The following OTUD7A variants were observed in gnomAD, a reference collection of about 807,000 sequenced individuals.
The protein encoded by OTUD7A is OTU deubiquitinase 7A, also known as OTU domain-containing protein 7A.
OTUD7A carries 12 observed loss-of-function variants against 65.7 expected under a neutral mutation model. The ratio of observed to expected loss-of-function variants is 0.18; its 90% CI spans 0.12 to 0.30. The LOEUF (loss-of-function observed/expected upper bound fraction) is 0.30, where lower values mean the gene tolerates loss of function less well. Ranked by LOEUF, OTUD7A falls within the 10% of genes least tolerant of loss-of-function variation. OTUD7A has a pLI of 1.00. For missense variants in OTUD7A, 1,148 were observed against 1,304.8 expected, an observed-to-expected ratio of 0.88 and a Z score of 1.85; for synonymous variants, 641 against 586.3, an observed-to-expected ratio of 1.09 and a Z score of -1.35.
In OTUD7A at chr15:31,487,740, C is replaced by T. The variant is rs748491831; in HGVS notation, c.1172-174G>A. Among the ~76,000 whole-genome samples the T allele has an allele frequency of 2.6e-5, 4 of 152,204 alleles. No individual in the cohort carries two copies. The highest frequency in any genetic ancestry group is 1.9e-4 in the East Asian group (1 of 5,206). ...CCACTATTGCTAGTTTTTAAAATTT[C>T]GTATTTATTGCGGACAGTGGAGAGC... On this transcript the variant is annotated intron_variant, in intron 10 of 12. Transcript: ENST00000307050. This position sits in a 1 kb window ranked among gnomAD's most constrained non-coding sequence, Gnocchi z 6.0.
At chr15:31,571,569 A>G (rs1889055161) in intron 3 of OTUD7A, among the ~76,000 whole-genome samples, 1 of 152,182 alleles carries the variant, frequency 6.6e-6, no homozygotes, top group Non-Finnish European at 1.5e-5. Context: ...TTCCTGTACA[A>G]TTAGGATAAC....
intron 1 of OTUD7A, among the ~76,000 whole-genome samples, chr15:31,742,772 G>A (rs1894377739): frequency 6.6e-6 from 1 of 152,026 alleles, no homozygotes; most frequent in Admixed American, 6.6e-5. Flanking sequence ...ATGAAAAGGG[G>A]TTAAAAATAT....
intron 1 of OTUD7A, among the ~76,000 whole-genome samples, chr15:31,819,205 C>T (rs2140970422): frequency 6.6e-6 from 1 of 152,276 alleles, no homozygotes; most frequent in East Asian, 1.9e-4. Context: ...CCTTGAATTG[C>T]TGTTATAAAT....
chr15:31,791,592 G>A (rs1368955409), intron 1 of OTUD7A, among the ~76,000 whole-genome samples: 1 of 152,146 alleles, frequency 6.6e-6, no homozygotes, highest in East Asian at 1.9e-4. Context: ...GGTACAACAC[G>A]TCCCGGACCA....
At chr15:31,723,627 C>A (rs1417399352) in intron 1 of OTUD7A, among the ~76,000 whole-genome samples, 160 of 99,582 alleles carry the variant, frequency 1.6e-3, no homozygotes, top group African/African-American at 6.4e-3. Flanking sequence ...TAGTTCATTT[C>A]CCCCGACTTG....
chr15:31,678,885 G>C (rs1847242), intron 1 of OTUD7A, among the ~76,000 whole-genome samples: 3,308 of 152,288 alleles, frequency 0.022, 125 homozygotes, highest in African/African-American at 0.076. Context: ...CAGAATCGTA[G>C]ATCCACCAAC....
intron 3 of OTUD7A, among the ~76,000 whole-genome samples, chr15:31,621,377 T>C (rs575878505): frequency 6.6e-6 from 1 of 152,280 alleles, no homozygotes; most frequent in Non-Finnish European, 1.5e-5. Flanking sequence ...TGTTAAAGTC[T>C]CCCATTATTA....
intron 1 of OTUD7A, among the ~76,000 whole-genome samples, chr15:31,804,492 C>T (rs902923506): frequency 5.9e-5 from 9 of 152,216 alleles, no homozygotes; most frequent in Non-Finnish European, 1.3e-4. Context: ...CCTCCCCTTT[C>T]TCCTCCATGG....
At chr15:31,815,830 C>T (rs898704023) in intron 1 of OTUD7A, among the ~76,000 whole-genome samples, 1 of 152,246 alleles carries the variant, frequency 6.6e-6, no homozygotes, top group Non-Finnish European at 1.5e-5. Flanking sequence ...AAAACTTCTA[C>T]AGAGATGAGG....
At position 31,729,561 on chromosome 15, in the gene OTUD7A, T is replaced by C. The variant is rs58067016; in HGVS notation, c.-99-72484A>G. ...TTAAAACTGGCACTTAGATCTGATA[T>C]CTAGTTTACCTTCACGGGCATTCCA... On this transcript the variant is annotated intron_variant, in intron 1 of 12. Coordinates refer to ENST00000307050, the MANE Select transcript of OTUD7A (RefSeq NM_001382637.1). 7.8e-3 allele frequency among the ~76,000 whole-genome samples: 1,183 copies of C among 152,338 alleles called. 16 individuals carry two copies. The highest frequency in any genetic ancestry group is 0.027 in the African/African-American group (1,118 of 41,576).
intron 1 of OTUD7A, among the ~76,000 whole-genome samples, chr15:31,840,823 T>A (rs1897166161): frequency 6.6e-6 from 1 of 152,208 alleles, no homozygotes. Flanking sequence ...GAATTTGCTA[T>A]CTACCACGGA....
intron 5 of OTUD7A, among the ~76,000 whole-genome samples, chr15:31,554,898 T>A (rs1030690983): frequency 2.6e-5 from 4 of 152,170 alleles, no homozygotes; most frequent in African/African-American, 9.7e-5. Context: ...GTCAGCTGGT[T>A]TTAGGCCCAG....
At chr15:31,858,083 C>T (rs541154061) in intron 1 of OTUD7A, among the ~76,000 whole-genome samples, 56 of 152,314 alleles carry the variant, frequency 3.7e-4, no homozygotes, top group Middle Eastern at 6.8e-3. Flanking sequence ...AGAACTTATT[C>T]TCCTGCCAAG....
Position 31,638,140 on chromosome 15 carries a change from T to C in OTUD7A, c.151+16956A>G, listed in dbSNP as rs1354057886. On this transcript the variant is annotated intron_variant, in intron 3 of 12. Transcript: ENST00000307050. ...TTAAATGCATCAAACTTCACGATTGTCTTATTTTAAGAAATTGTCACAGCC... is the reference window on the plus strand; with the variant it reads ...TTAAATGCATCAAACTTCACGATTGCCTTATTTTAAGAAATTGTCACAGCC... 1.1e-4 allele frequency among the ~76,000 whole-genome samples: 17 copies of C among 152,212 alleles called. 1 individual carries two copies. The highest frequency in any genetic ancestry group is 6.8e-3 in the Middle Eastern group (2 of 294).
chr15:31,861,315 C>A (rs1897735562), intron 1 of OTUD7A, among the ~76,000 whole-genome samples: 1 of 152,152 alleles, frequency 6.6e-6, no homozygotes, highest in Non-Finnish European at 1.5e-5. Context: ...AGTCACTAGT[C>A]AACGGGCATG....
chr15:31,590,859 T>C (rs546992600), intron 3 of OTUD7A, among the ~76,000 whole-genome samples: 90 of 152,318 alleles, frequency 5.9e-4, no homozygotes, highest in Middle Eastern at 3.4e-3. Context: ...GCTGGCTGGC[T>C]TGTGGCCATG....
chr15:31,676,985 A>T (rs1356751471), intron 1 of OTUD7A, among the ~76,000 whole-genome samples: 7 of 152,206 alleles, frequency 4.6e-5, no homozygotes, highest in Non-Finnish European at 7.3e-5. Flanking sequence ...CCTGATGTTG[A>T]CCATGGCCCT....
rs191663073 is a variant in OTUD7A at position 31,819,809 on chromosome 15, T to G, written c.-100+50698A>C. ...TCGTTATATATTATGTCATATATAA[T>G]GTATCAGTATATATGTTATTTTTAT... On this transcript the variant is annotated intron_variant, in intron 1 of 12. Coordinates refer to ENST00000307050, the MANE Select transcript of OTUD7A (RefSeq NM_001382637.1). Among the ~76,000 whole-genome samples the G allele has an allele frequency of 2.0e-5, 3 of 152,060 alleles. No homozygotes were observed. The East Asian group carries it at 5.8e-4, about 29-fold the overall frequency.
chr15:31,610,924 C>T (rs538647460), intron 3 of OTUD7A, among the ~76,000 whole-genome samples: 9 of 151,730 alleles, frequency 5.9e-5, no homozygotes, highest in South Asian at 2.1e-4. Context: ...CCACCATGCC[C>T]GGCCAGAAAA....
Sources: allele counts gnomAD v4.1 joint callset (sites outside exome capture counted in the v4.1 genomes callset), GRCh38; gene constraint gnomAD v4.1.1; non-coding constraint Gnocchi (gnomAD v3.1); transcripts MANE v1.5; gene names NCBI Gene and HGNC (gene_info 2026-07-23, HGNC 2026-07-21).